Variants in PAK2 observed in about 807,000 individuals in gnomAD.
The protein encoded by PAK2 is serine/threonine-protein kinase PAK 2.
A neutral mutation model predicts 65.9 loss-of-function variants in PAK2; 21 were observed. That is an observed-to-expected ratio of 0.32 (90% CI 0.23 to 0.46). The LOEUF is 0.46. Among genes scored for constraint, PAK2 ranks in the 20% least tolerant of loss-of-function variants. The pLI is 1.00. For synonymous variants in PAK2, 204 were observed against 219.7 expected (o/e 0.93, Z 0.63); for missense variants, 324 against 642.6 (o/e 0.50, Z 5.36).
At chr3:196,780,829 G>A (rs567109605) in intron 1 of PAK2, among the ~76,000 whole-genome samples, 1 of 151,454 alleles carries the variant, frequency 6.6e-6, no homozygotes, top group Non-Finnish European at 1.5e-5. Context: ...TTGCTTTGTC[G>A]CCAGGCTGGC....
At chr3:196,782,885 G>A (rs776404198) in intron 2 of PAK2, 52 bp downstream of exon 2, 67 of 1,204,674 alleles carry the variant, frequency 5.6e-5, no homozygotes, top group Non-Finnish European at 7.5e-5. Flanking sequence ...ATTATTGTAT[G>A]TTACCCATGT....
chr3:196,803,993 C>T (rs1045685685), intron 4 of PAK2, among the ~76,000 whole-genome samples: 1 of 152,168 alleles, frequency 6.6e-6, no homozygotes, highest in Admixed American at 6.6e-5. Flanking sequence ...GCTTCCCCTC[C>T]CACACACTGG....
chr3:196,825,366 A>C (rs1358125088), intron 13 of PAK2, among the ~76,000 whole-genome samples: 1 of 149,662 alleles, frequency 6.7e-6, no homozygotes, highest in Admixed American at 6.7e-5. Context: ...TAAATAGGCC[A>C]GATGCAGTGG....
chr3:196,810,291 ATG>A (rs1184429542), intron 7 of PAK2, among the ~76,000 whole-genome samples: 1 of 152,094 alleles, frequency 6.6e-6, no homozygotes, highest in Middle Eastern at 3.2e-3. Context: ...TCTTTTCAAA[ATG>A]TGACCATTAT....
intron 11 of PAK2, among the ~76,000 whole-genome samples, chr3:196,816,534 C>T (rs575731699): frequency 1.3e-5 from 2 of 152,160 alleles, no homozygotes; most frequent in East Asian, 3.9e-4. Context: ...CTTTTGTGTG[C>T]CAGAACTTTT....
At chr3:196,790,053 G>A (rs1206008455) in intron 2 of PAK2, among the ~76,000 whole-genome samples, 1 of 152,162 alleles carries the variant, frequency 6.6e-6, no homozygotes, top group Non-Finnish European at 1.5e-5. Flanking sequence ...CCTGGGGCTG[G>A]GGACACCTTT....
chr3:196,764,749 G>T (rs982880587), intron 1 of PAK2, among the ~76,000 whole-genome samples: 1 of 151,468 alleles, frequency 6.6e-6, no homozygotes, highest in Non-Finnish European at 1.5e-5. Context: ...TAACTAGTGG[G>T]CTCAGGCAGT....
Position 196,767,512 on chromosome 3 carries a change from G to A in PAK2, c.-21-15114G>A, listed in dbSNP as rs568635296. The stretch of plus-strand genomic sequence containing the variant: ...GTTTGTTTGTTTGTTTGTTTGAGAC[G>A]GAGTCTTGCTCTGTCACCCAGGCTG... On this transcript the variant is annotated intron_variant, in intron 1 of 14. Transcript: ENST00000327134. Among the ~76,000 whole-genome samples the A allele has an allele frequency of 5.3e-5, 8 of 151,954 alleles. No homozygotes were observed. In the South Asian group the frequency reaches 8.3e-4, roughly 16 times the overall value.
intron 2 of PAK2, among the ~76,000 whole-genome samples, chr3:196,792,028 G>T (rs1249434459): frequency 2.0e-5 from 3 of 152,192 alleles, no homozygotes; most frequent in African/African-American, 4.8e-5. Flanking sequence ...AGCTGCTCAG[G>T]TGGCTGCCCC....
intron 13 of PAK2, among the ~76,000 whole-genome samples, chr3:196,825,113 AGGTG>A (rs1711792121): frequency 6.6e-6 from 1 of 152,172 alleles, no homozygotes; most frequent in Admixed American, 6.6e-5. Context: ...TGGGAGGCCA[AGGTG>A]GGCAGATCGC....
chr3:196,746,591 C>T (rs1713388498), intron 1 of PAK2, among the ~76,000 whole-genome samples: 1 of 152,090 alleles, frequency 6.6e-6, no homozygotes, highest in African/African-American at 2.4e-5. Flanking sequence ...GCAGGTGGAT[C>T]AGCTGAGGTT....
intron 1 of PAK2, among the ~76,000 whole-genome samples, chr3:196,753,327 G>A (rs900753225): frequency 3.3e-5 from 5 of 151,842 alleles, no homozygotes; most frequent in African/African-American, 1.2e-4. Flanking sequence ...TGCAACCTCA[G>A]CTTGCTGCAG....
At position 196,791,912 on chromosome 3, in the gene PAK2, G is replaced by A. The variant is rs377062019; in HGVS notation, c.187+9079G>A. On this transcript the variant is annotated intron_variant, in intron 2 of 14. Transcript: ENST00000327134. This position sits in a 1 kb window ranked among gnomAD's most constrained non-coding sequence, Gnocchi z 4.0. ...CGCACTCCAACCTGGGCGACAGAGC[G>A]AGACTCCGTCAAAAAAAAAAAAAAA... Among the ~76,000 whole-genome samples, 18 of 145,046 alleles carry A rather than the reference G, an allele frequency of 1.2e-4. No homozygotes were observed. Among genetic ancestry groups the A allele is most frequent in the East Asian group, 5.9e-4 (3 of 5,078 alleles).
At chr3:196,787,727 C>G (rs1191221910) in intron 2 of PAK2, among the ~76,000 whole-genome samples, 1 of 152,176 alleles carries the variant, frequency 6.6e-6, no homozygotes, top group East Asian at 1.9e-4. Context: ...TTTTCAGTCT[C>G]AGAGAGACAG....
At chr3:196,766,515 C>G (rs907773248) in intron 1 of PAK2, among the ~76,000 whole-genome samples, 1 of 152,156 alleles carries the variant, frequency 6.6e-6, no homozygotes, top group Middle Eastern at 3.4e-3. Context: ...GTGCATATGT[C>G]GTCTACAAAG....
chr3:196,753,581 GCTTT>G (rs1239761477), intron 1 of PAK2, among the ~76,000 whole-genome samples: 7 of 152,146 alleles, frequency 4.6e-5, no homozygotes, highest in Non-Finnish European at 1.0e-4. Context: ...CTCATTGCCA[GCTTT>G]CTGTTTTACA....
At chr3:196,813,965 A>C (rs1715912007) in intron 10 of PAK2, among the ~76,000 whole-genome samples, 1 of 152,134 alleles carries the variant, frequency 6.6e-6, no homozygotes, top group Admixed American at 6.6e-5. Flanking sequence ...ATAAATAAAA[A>C]ATAAACTTTT....
At chr3:196,792,612 T>G (rs1390240959) in intron 2 of PAK2, among the ~76,000 whole-genome samples, 1 of 152,158 alleles carries the variant, frequency 6.6e-6, no homozygotes, top group East Asian at 1.9e-4. Flanking sequence ...AATACTAAAC[T>G]AGTAGTATCT....
intron 1 of PAK2, among the ~76,000 whole-genome samples, chr3:196,744,381 T>A (rs933013870): frequency 6.6e-6 from 1 of 152,152 alleles, no homozygotes; most frequent in African/African-American, 2.4e-5. Context: ...ACATATTTAT[T>A]ATAAAAGGTT....
Sources: allele counts gnomAD v4.1 joint callset (sites outside exome capture counted in the v4.1 genomes callset), GRCh38; gene constraint gnomAD v4.1.1; non-coding constraint Gnocchi (gnomAD v3.1); transcripts MANE v1.5; gene names NCBI Gene and HGNC (gene_info 2026-07-23, HGNC 2026-07-21).